Variants in TTLL11 observed in about 807,000 individuals in gnomAD.
The protein encoded by TTLL11 is tubulin tyrosine ligase like 11, also known as tubulin polyglutamylase TTLL11.
Under a neutral mutation model 51.7 loss-of-function variants are expected in TTLL11, and 42 were observed. The ratio of observed to expected loss-of-function variants is 0.81; its 90% CI spans 0.64 to 1.05. The LOEUF (loss-of-function observed/expected upper bound fraction) is 1.05. Among genes scored for constraint, TTLL11 ranks in the 50% least tolerant of loss-of-function variants. The pLI, the probability that TTLL11 is intolerant of heterozygous loss-of-function variation, is 0.00. For synonymous variants in TTLL11, 381 were observed against 383.5 expected, an observed-to-expected ratio of 0.99 and a Z score of 0.08; for missense variants, 799 against 940.4, an observed-to-expected ratio of 0.85 and a Z score of 1.97.
At chr9:121,827,055 G>C (rs1285341691) in intron 8 of TTLL11, among the ~76,000 whole-genome samples, 1 of 152,200 alleles carries the variant, frequency 6.6e-6, no homozygotes, top group Non-Finnish European at 1.5e-5. Flanking sequence ...AGGCCCGCGT[G>C]ATCCGAGTCC....
At position 121,998,412 on chromosome 9, in the gene TTLL11, G is replaced by A. The variant is rs190169175; in HGVS notation, c.694-8642C>T. ...AGCGATTCTCGTGCCTCAGCCTCCC[G>A]AGTAGCTGGGATTACAGGCACCCGC... On this transcript the variant is annotated intron_variant, in intron 3 of 8. Coordinates refer to ENST00000321582, the MANE Select transcript of TTLL11 (RefSeq NM_001139442.2). Among the ~76,000 whole-genome samples, 325 of 151,918 alleles carry A rather than the reference G, an allele frequency of 2.1e-3. 3 individuals carry two copies. Among genetic ancestry groups the A allele is most frequent in the African/African-American group, 7.4e-3 (307 of 41,408 alleles).
chr9:121,986,819 C>A (rs894532810), intron 4 of TTLL11, among the ~76,000 whole-genome samples: 1 of 151,940 alleles, frequency 6.6e-6, no homozygotes, highest in Middle Eastern at 3.2e-3. Context: ...CCACTCCCTC[C>A]GTTCTCACTT....
chr9:121,983,485 TA>T (rs1842869651), intron 4 of TTLL11, among the ~76,000 whole-genome samples: 2 of 152,006 alleles, frequency 1.3e-5, no homozygotes, highest in African/African-American at 4.8e-5. Flanking sequence ...TGATTGTGAA[TA>T]GGGGGACACC....
At chr9:121,966,420 G>C (rs1842400429) in intron 6 of TTLL11, among the ~76,000 whole-genome samples, 1 of 152,154 alleles carries the variant, frequency 6.6e-6, no homozygotes, top group Non-Finnish European at 1.5e-5. Flanking sequence ...AAGGAGTCCA[G>C]TTCCCTGAAA....
At chr9:122,058,880 G>A (rs553098677) in intron 1 of TTLL11, among the ~76,000 whole-genome samples, 2 of 152,300 alleles carry the variant, frequency 1.3e-5, no homozygotes, top group Admixed American at 6.5e-5. Flanking sequence ...ATGACAGCTG[G>A]CATTTCCCTG....
chr9:121,989,071 G>T lies in TTLL11; in HGVS notation c.1269+124C>A. On this transcript the variant is annotated intron_variant, in intron 4 of 8. Transcript: ENST00000321582. The surrounding 1 kb of genome is among the most constrained non-coding windows in gnomAD (Gnocchi z 4.2). ...CCCAGGTTTAACACCCAAGCCCACA[G>T]CACCACCAACACTGTCCCCTCCTCT... 3 of 1,513,864 alleles carry T rather than the reference G, an allele frequency of 2.0e-6. No individual in the cohort carries two copies. The highest frequency in any genetic ancestry group is 2.7e-6 in the Non-Finnish European group (3 of 1,131,194). The allele number at this position is 1,513,864 out of a possible 1,614,324, so 93.8% of individuals were successfully genotyped here.
At chr9:121,831,716 G>T (rs1026303252) in intron 8 of TTLL11, among the ~76,000 whole-genome samples, 1 of 136,006 alleles carries the variant, frequency 7.4e-6, no homozygotes, top group Admixed American at 7.2e-5. Context: ...AAAAAAAAAA[G>T]AATGGTTTTT....
intron 1 of TTLL11, among the ~76,000 whole-genome samples, chr9:122,047,794 A>G (rs1845056855): frequency 6.6e-6 from 1 of 152,066 alleles, no homozygotes; most frequent in African/African-American, 2.4e-5. Context: ...TTTCATGTGT[A>G]ATCCTTATCT....
chr9:122,087,136 T>C (rs1846146284), intron 1 of TTLL11, among the ~76,000 whole-genome samples: 1 of 152,212 alleles, frequency 6.6e-6, no homozygotes, highest in African/African-American at 2.4e-5. Context: ...CATCTGTAAG[T>C]TGAAGATGAC....
intron 3 of TTLL11, among the ~76,000 whole-genome samples, chr9:122,001,093 G>GT (rs1261781331): frequency 6.6e-6 from 1 of 151,976 alleles, no homozygotes; most frequent in Non-Finnish European, 1.5e-5. Flanking sequence ...GTGCAACACT[G>GT]TTTTTTGGTT....
At chr9:122,002,963 A>AAAAG (rs386416143) in intron 3 of TTLL11, among the ~76,000 whole-genome samples, 4 of 150,002 alleles carry the variant, frequency 2.7e-5, no homozygotes, top group African/African-American at 7.4e-5. Context: ...AAAAAAAAAA[A>AAAAG]AGAGATCCCC....
rs1451829447 is a variant in TTLL11, at chr9:121,971,232, G to A, written c.1481+2777C>T. The stretch of plus-strand genomic sequence containing the variant: ...AGGGAGGTGGGGGGGTCAGCCCCCC[G>A]CCCGGCCAGCCGCCCCGTCCGGGAG... On this transcript the variant is annotated intron_variant, in intron 6 of 8. Coordinates refer to ENST00000321582, the MANE Select transcript of TTLL11 (RefSeq NM_001139442.2). Among the ~76,000 whole-genome samples the A allele has an allele frequency of 3.2e-5, 3 of 93,636 alleles. 1 individual carries two copies. Among genetic ancestry groups the A allele is most frequent in the African/African-American group, 7.2e-5 (2 of 27,604 alleles). The allele number at this position is 93,636 out of a possible 152,430, so 61.4% of individuals were successfully genotyped here. A position where few individuals can be genotyped will look rare whatever the true frequency, so the allele number is the denominator to read the frequency against.
chr9:121,982,663 G>C (rs1461525260), intron 4 of TTLL11, among the ~76,000 whole-genome samples: 2 of 147,310 alleles, frequency 1.4e-5, no homozygotes, highest in Non-Finnish European at 3.0e-5. Context: ...AGAGGTTGCA[G>C]TGAGTGAGTG....
At chr9:121,992,487 G>GA (rs1279471509) in intron 3 of TTLL11, among the ~76,000 whole-genome samples, 6 of 152,214 alleles carry the variant, frequency 3.9e-5, no homozygotes, top group Non-Finnish European at 8.8e-5. Context: ...GTGTATTCTG[G>GA]AAAAATCACC....
At chr9:121,998,265 GT>G (rs1384267516) in intron 3 of TTLL11, among the ~76,000 whole-genome samples, 1 of 151,838 alleles carries the variant, frequency 6.6e-6, no homozygotes, top group African/African-American at 2.4e-5. Flanking sequence ...GTCGCTTAGG[GT>G]TTTTTTCATT....
chr9:122,059,631 A>G (rs1292449731), intron 1 of TTLL11, among the ~76,000 whole-genome samples: 2 of 152,224 alleles, frequency 1.3e-5, no homozygotes, highest in East Asian at 3.8e-4. Context: ...TGTAACCTGT[A>G]TTAGCTTTCT....
chr9:121,861,653 G>A (rs573920178), intron 7 of TTLL11, among the ~76,000 whole-genome samples: 12 of 152,222 alleles, frequency 7.9e-5, no homozygotes, highest in Middle Eastern at 3.4e-3. Flanking sequence ...CTAGGCCCTC[G>A]GCACTGCCCT....
chr9:122,036,879 CTG>C (rs1844718234), intron 2 of TTLL11, among the ~76,000 whole-genome samples: 1 of 152,150 alleles, frequency 6.6e-6, no homozygotes, highest in East Asian at 1.9e-4. Context: ...CACTGTTCCT[CTG>C]CCTAGAGGTT....
intron 4 of TTLL11, among the ~76,000 whole-genome samples, chr9:121,987,090 G>A (rs1794644832): frequency 6.6e-6 from 1 of 151,760 alleles, no homozygotes; most frequent in African/African-American, 2.4e-5. Context: ...ACAATATATT[G>A]TTTAGGGATA....
Sources: gnomAD v4.1 joint callset for allele counts (sites outside exome capture counted in the v4.1 genomes callset) on GRCh38, gnomAD v4.1.1 for gene constraint, Gnocchi (gnomAD v3.1) non-coding constraint, MANE v1.5 for transcripts, NCBI Gene and HGNC (gene_info 2026-07-23, HGNC 2026-07-21) for gene names.